TWSG1: variants seen among roughly 807,000 people sequenced by gnomAD.
TWSG1 encodes the protein twisted gastrulation protein homolog 1.
TWSG1 carries 15 observed loss-of-function variants against 23.0 expected under a neutral mutation model. That is an observed-to-expected ratio of 0.65 (90% CI 0.44 to 1.00). TWSG1 has a LOEUF of 1.00. Ranked by LOEUF, TWSG1 falls within the 50% of genes least tolerant of loss-of-function variation. The pLI, the probability that TWSG1 is intolerant of heterozygous loss-of-function variation, is 0.00. For missense variants in TWSG1, 242 were observed against 278.7 expected (o/e 0.87, Z 0.94); for synonymous variants, 86 against 92.8 (o/e 0.93, Z 0.42).
chr18:9,355,872 T>C (rs1320600705), intron 2 of TWSG1, among the ~76,000 whole-genome samples: 1 of 152,210 alleles, frequency 6.6e-6, no homozygotes. Context: ...ACGTGAGTTA[T>C]GAAGAATAGA....
At chr18:9,396,638 C>A in intron 4 of TWSG1, 92 bp downstream of exon 4, 1 of 1,470,784 alleles carries the variant, frequency 6.8e-7, no homozygotes, top group Non-Finnish European at 9.1e-7. Flanking sequence ...TCTTTTGGAG[C>A]AGCCTTTTGG....
rs1403740714 is a variant in TWSG1 at position 9,383,183 on chromosome 18, G to GTTTTTT, written c.224-13092_224-13087dup. 2.1e-3 allele frequency among the ~76,000 whole-genome samples: 159 copies of GTTTTTT among 75,272 alleles called. 6 individuals carry two copies. The highest frequency in any genetic ancestry group is 8.1e-3 in the African/African-American group (155 of 19,154). The allele number at this position is 75,272 out of a possible 152,430, so 49.4% of individuals were successfully genotyped here. ...TATGGTGGTGATATCCGAATTACAC[G>GTTTTTT]TTTTTTTTTTGTTTTTTTTTTTTTT... is the stretch of plus-strand genomic sequence containing the variant. On this transcript the variant is annotated intron_variant, in intron 3 of 4. Coordinates refer to ENST00000262120, the MANE Select transcript of TWSG1 (RefSeq NM_020648.6).
intron 3 of TWSG1, among the ~76,000 whole-genome samples, chr18:9,384,254 G>T (rs912791093): frequency 1.3e-5 from 2 of 152,128 alleles, no homozygotes; most frequent in Admixed American, 1.3e-4. Flanking sequence ...ATTGTGACAG[G>T]GAACCAAGAT....
chr18:9,353,811 C>T (rs16954989), intron 2 of TWSG1, among the ~76,000 whole-genome samples: 18,263 of 152,120 alleles, frequency 0.12, 1,288 homozygotes, highest in Middle Eastern at 0.27. Context: ...GACTTGCAGA[C>T]TAGGGAAGCA....
chr18:9,377,858 A>G (rs2040638143), intron 3 of TWSG1, among the ~76,000 whole-genome samples: 2 of 152,096 alleles, frequency 1.3e-5, no homozygotes, highest in East Asian at 3.9e-4. Context: ...AGCTAGGACT[A>G]CAGGCATGTG....
rs2040453879 is a variant in TWSG1 at position 9,343,182 on chromosome 18, A to C, written c.123+5830A>C. Among the ~76,000 whole-genome samples the C allele has an allele frequency of 1.6e-5, 2 of 123,182 alleles. 1 individual carries two copies. 80.8% of individuals were successfully genotyped at this position (123,182 alleles called of 152,430 possible). On this transcript the variant is annotated intron_variant, in intron 2 of 4. Transcript: ENST00000262120. Reference sequence around the variant, plus strand: ...TTTGGGGATCAGTTTTGAGCCAAAGACTAGGAAATGCCCTGTTTTGTTTTT... The same window carrying C: ...TTTGGGGATCAGTTTTGAGCCAAAGCCTAGGAAATGCCCTGTTTTGTTTTT...
chr18:9,391,474 G>A (rs188853643), intron 3 of TWSG1, among the ~76,000 whole-genome samples: 53 of 152,234 alleles, frequency 3.5e-4, no homozygotes, highest in East Asian at 1.9e-4. Context: ...GCCCAGATCC[G>A]TCAGAGGAAT....
At chr18:9,371,081 G>A (rs552466895) in intron 3 of TWSG1, among the ~76,000 whole-genome samples, 2 of 151,160 alleles carry the variant, frequency 1.3e-5, no homozygotes, top group Admixed American at 1.3e-4. Context: ...GGGCCTATTA[G>A]ATTTATGTAA....
At chr18:9,396,219 G>T in intron 3 of TWSG1, 61 bp from the exon 4 acceptor site, 5 of 1,231,846 alleles carry the variant, frequency 4.1e-6, no homozygotes, top group Non-Finnish European at 5.8e-6. Context: ...ATTTTAATGT[G>T]TTATAGCTCT....
chr18:9,362,978 T>C (rs2040559369), intron 3 of TWSG1, among the ~76,000 whole-genome samples: 1 of 152,202 alleles, frequency 6.6e-6, no homozygotes, highest in Admixed American at 6.5e-5. Flanking sequence ...CTCCTCCTTG[T>C]AGGCAGCTCT....
At chr18:9,394,773 T>C (rs2040727238) in intron 3 of TWSG1, among the ~76,000 whole-genome samples, 1 of 152,110 alleles carries the variant, frequency 6.6e-6, no homozygotes. Flanking sequence ...CATGCATGCA[T>C]GCACACACAC....
intron 3 of TWSG1, among the ~76,000 whole-genome samples, chr18:9,385,908 C>A (rs1211842382): frequency 6.6e-6 from 1 of 152,078 alleles, no homozygotes; most frequent in Admixed American, 6.6e-5. Context: ...GTGGCTCACA[C>A]CTGTAATCCC....
At chr18:9,342,187 G>A (rs2040449256) in intron 2 of TWSG1, among the ~76,000 whole-genome samples, 2 of 152,190 alleles carry the variant, frequency 1.3e-5, no homozygotes, top group Admixed American at 1.3e-4. Context: ...TCTGAATTTG[G>A]ATCCAGTTCT....
chr18:9,375,576 CT>C (rs1289990374), intron 3 of TWSG1, among the ~76,000 whole-genome samples: 1 of 152,084 alleles, frequency 6.6e-6, no homozygotes, highest in Non-Finnish European at 1.5e-5. Flanking sequence ...ACATGATTGT[CT>C]ATGTAGAAAA....
At chr18:9,387,961 C>T (rs1420272456) in intron 3 of TWSG1, 3 of 152,174 alleles carry the variant, frequency 2.0e-5, no homozygotes, top group Non-Finnish European at 4.4e-5. Flanking sequence ...CTCCAGATGT[C>T]TCAGTGTTTT....
intron 3 of TWSG1, among the ~76,000 whole-genome samples, chr18:9,389,665 A>G (rs1023106321): frequency 6.6e-5 from 10 of 152,226 alleles, no homozygotes; most frequent in African/African-American, 2.4e-4. Context: ...AAATGAGGAA[A>G]TAGATGGTTT....
At chr18:9,347,392 T>C (rs994801141) in intron 2 of TWSG1, among the ~76,000 whole-genome samples, 6 of 152,232 alleles carry the variant, frequency 3.9e-5, no homozygotes, top group African/African-American at 1.4e-4. Flanking sequence ...TAAGATTTAA[T>C]AGGGATTGCA....
At chr18:9,353,186 C>T (rs2040509830) in intron 2 of TWSG1, among the ~76,000 whole-genome samples, 1 of 152,086 alleles carries the variant, frequency 6.6e-6, no homozygotes. Flanking sequence ...TAAGTATATA[C>T]TGATATTCAT....
chr18:9,336,341 G>A (rs1206258880), intron 1 of TWSG1, among the ~76,000 whole-genome samples: 2 of 151,414 alleles, frequency 1.3e-5, no homozygotes, highest in African/African-American at 4.9e-5. Flanking sequence ...GCAGTGAGCC[G>A]AGATTGCGCC....
Sources: gnomAD v4.1 joint callset for allele counts (sites outside exome capture counted in the v4.1 genomes callset) on GRCh38, gnomAD v4.1.1 for gene constraint, MANE v1.5 for transcripts, NCBI Gene and HGNC (gene_info 2026-07-23, HGNC 2026-07-21) for gene names.